Variants in MSRA observed in about 807,000 individuals in gnomAD.
The protein encoded by MSRA is methionine sulfoxide reductase A.
Under a neutral mutation model 31.3 loss-of-function variants are expected in MSRA, and 54 were observed. The ratio of observed to expected loss-of-function variants is 1.73; its 90% confidence interval spans 1.39 to 2.17. The LOEUF is 2.17. Ranked by LOEUF, MSRA falls within the 30% of genes most tolerant of loss-of-function variation. The pLI is 0.00. For missense variants in MSRA, 507 were observed against 300.9 expected (o/e 1.69, Z -5.07); for synonymous variants, 169 against 116.5 (o/e 1.45, Z -2.90).
chr8:10,206,200 C>G (rs371349691), intron 1 of MSRA, among the ~76,000 whole-genome samples: 2 of 152,318 alleles, frequency 1.3e-5, no homozygotes, highest in South Asian at 2.1e-4. Flanking sequence ...GATCTCCACA[C>G]GGAAGCTCAG....
chr8:10,286,360 T>A (rs1410250925), intron 3 of MSRA, among the ~76,000 whole-genome samples: 1 of 152,068 alleles, frequency 6.6e-6, no homozygotes, highest in African/African-American at 2.4e-5. Flanking sequence ...AGTGAATAAG[T>A]CTCACGAGAT....
At chr8:10,267,159 C>T (rs1798789396) in intron 3 of MSRA, among the ~76,000 whole-genome samples, 1 of 152,230 alleles carries the variant, frequency 6.6e-6, no homozygotes, top group South Asian at 2.1e-4. Context: ...ACCCCACCCG[C>T]TCCCGGTTGT....
chr8:10,199,947 C>G (rs1247900464), intron 1 of MSRA, among the ~76,000 whole-genome samples: 1 of 152,204 alleles, frequency 6.6e-6, no homozygotes, highest in Non-Finnish European at 1.5e-5. Flanking sequence ...GGACCCGCCT[C>G]TAGGTACCAG....
chr8:10,175,384 C>T (rs11993663), intron 1 of MSRA, among the ~76,000 whole-genome samples: 41 of 152,150 alleles, frequency 2.7e-4, no homozygotes, highest in African/African-American at 9.4e-4. Context: ...TTGGAACATA[C>T]GCTGTTATCA....
chr8:10,405,659 G>A (rs1455724054), intron 5 of MSRA, among the ~76,000 whole-genome samples: 2 of 152,242 alleles, frequency 1.3e-5, no homozygotes, highest in African/African-American at 4.8e-5. Flanking sequence ...GGGAGTGGGA[G>A]CAGAGAGGTG....
chr8:10,394,916 C>T (rs1469308785), intron 5 of MSRA, among the ~76,000 whole-genome samples: 2 of 152,244 alleles, frequency 1.3e-5, no homozygotes, highest in Non-Finnish European at 2.9e-5. Context: ...TATTTCCATT[C>T]AGTTCAATCC....
intron 2 of MSRA, among the ~76,000 whole-genome samples, chr8:10,209,237 A>T (rs1365197704): frequency 1.3e-5 from 2 of 152,212 alleles, no homozygotes; most frequent in Non-Finnish European, 2.9e-5. Context: ...TGGGACAGCA[A>T]ATGTCACATA....
At chr8:10,157,964 T>G (rs540530421) in intron 1 of MSRA, among the ~76,000 whole-genome samples, 1 of 152,322 alleles carries the variant, frequency 6.6e-6, no homozygotes, top group Non-Finnish European at 1.5e-5. Context: ...ATATACTGGG[T>G]GGCTTATATG....
intron 1 of MSRA, among the ~76,000 whole-genome samples, chr8:10,125,203 A>G (rs1455944015): frequency 6.6e-6 from 1 of 152,186 alleles, no homozygotes; most frequent in Non-Finnish European, 1.5e-5. Flanking sequence ...AGTAGGGGAC[A>G]ACTTTCTGGC....
intron 4 of MSRA, among the ~76,000 whole-genome samples, chr8:10,313,403 G>A (rs1801542201): frequency 1.3e-5 from 2 of 151,410 alleles, no homozygotes; most frequent in Admixed American, 6.6e-5. Context: ...CCACCCACTG[G>A]AATTTCAGGG....
intron 1 of MSRA, among the ~76,000 whole-genome samples, chr8:10,142,482 A>G (rs1013657846): frequency 6.6e-6 from 1 of 152,244 alleles, no homozygotes; most frequent in African/African-American, 2.4e-5. Context: ...GTGGAAAGCC[A>G]TGGATCAATC....
chr8:10,172,395 T>C (rs998979801), intron 1 of MSRA, among the ~76,000 whole-genome samples: 9 of 152,044 alleles, frequency 5.9e-5, no homozygotes, highest in African/African-American at 2.2e-4. Flanking sequence ...ATTCTGGCGC[T>C]GTCTCTGAAG....
chr8:10,296,135 C>G (rs1414251595), intron 3 of MSRA, among the ~76,000 whole-genome samples: 4 of 152,118 alleles, frequency 2.6e-5, no homozygotes, highest in African/African-American at 7.2e-5. Context: ...GAGCTGCAGT[C>G]TCCAGCAGAG....
chr8:10,261,003 A>G (rs1798450748), intron 3 of MSRA, among the ~76,000 whole-genome samples: 1 of 152,224 alleles, frequency 6.6e-6, no homozygotes, highest in African/African-American at 2.4e-5. Flanking sequence ...TACTTGTAAA[A>G]TGTTGTTCAG....
intron 5 of MSRA, among the ~76,000 whole-genome samples, chr8:10,345,894 A>G (rs1803740885): frequency 6.6e-6 from 1 of 152,206 alleles, no homozygotes; most frequent in South Asian, 2.1e-4. Flanking sequence ...TATTTAGTCT[A>G]ACCACTTGGC....
intron 1 of MSRA, among the ~76,000 whole-genome samples, chr8:10,120,064 G>C (rs1231433931): frequency 6.6e-6 from 1 of 152,186 alleles, no homozygotes; most frequent in Non-Finnish European, 1.5e-5. Flanking sequence ...ACTGTGGAAA[G>C]AGGGCTGGGG....
At chr8:10,164,696 G>C (rs1405938462) in intron 1 of MSRA, among the ~76,000 whole-genome samples, 2 of 152,110 alleles carry the variant, frequency 1.3e-5, no homozygotes, top group Non-Finnish European at 2.9e-5. Flanking sequence ...AAAAATGTTA[G>C]TTTCCTTTCC....
chr8:10,288,740 A>T (rs1800071094), intron 3 of MSRA, among the ~76,000 whole-genome samples: 1 of 152,224 alleles, frequency 6.6e-6, no homozygotes, highest in African/African-American at 2.4e-5. Context: ...AGTTAGAGCC[A>T]TGCTTCCTGA....
intron 1 of MSRA, among the ~76,000 whole-genome samples, chr8:10,079,497 T>G (rs1049802296): frequency 6.6e-6 from 1 of 152,166 alleles, no homozygotes; most frequent in Admixed American, 6.5e-5. Flanking sequence ...TACAGGAACA[T>G]CGCAGCTTAC....
Sources: gnomAD v4.1 joint callset for allele counts (sites outside exome capture counted in the v4.1 genomes callset) on GRCh38, gnomAD v4.1.1 for gene constraint, MANE v1.5 for transcripts, NCBI Gene and HGNC (gene_info 2026-07-23, HGNC 2026-07-21) for gene names.